Variants in PRKDC observed in about 807,000 individuals in gnomAD.
The protein encoded by PRKDC is protein kinase, DNA-activated, catalytic subunit.
PRKDC carries 82 observed loss-of-function variants against 486.9 expected under a neutral mutation model. The ratio of observed to expected loss-of-function variants is 0.17; its 90% CI spans 0.14 to 0.20. The LOEUF (loss-of-function observed/expected upper bound fraction) is 0.20, where lower values mean the gene tolerates loss of function less well. Among genes scored for constraint, PRKDC ranks in the 10% least tolerant of loss-of-function variants. The pLI is 1.00. For missense variants in PRKDC, 4,504 were observed against 5,038.2 expected (o/e 0.89, Z 3.21); for synonymous variants, 1,895 against 1,837.0 (o/e 1.03, Z -0.81).
chr8:47,949,068 C>G (rs1184739617), intron 7 of PRKDC, among the ~76,000 whole-genome samples: 2 of 152,190 alleles, frequency 1.3e-5, no homozygotes, highest in Non-Finnish European at 2.9e-5. Flanking sequence ...AGGGGAGAAC[C>G]CTTTTCTCAC....
intron 24 of PRKDC, 134 bp downstream of exon 24, chr8:47,913,767 T>G (rs1483020197): frequency 1.1e-6 from 1 of 871,008 alleles, no homozygotes; most frequent in East Asian, 3.1e-5. Context: ...TAAGTAGTTT[T>G]CTAATTACTA....
At position 47,953,794 on chromosome 8, in the gene PRKDC, A is replaced by C. The variant is rs777492908; in HGVS notation, c.621+13T>G. On this transcript the variant is annotated intron_variant, in intron 6 of 85. Transcript: ENST00000314191. Reference sequence around the variant, plus strand: ...ACATCTATGGAAGCAGAATGTCATAAAGTTCATCATACCTGGGTCTTAAGT... The same window carrying C: ...ACATCTATGGAAGCAGAATGTCATACAGTTCATCATACCTGGGTCTTAAGT... 6 of 1,573,018 alleles carry C rather than the reference A, an allele frequency of 3.8e-6. No homozygotes were observed. Among genetic ancestry groups the C allele is most frequent in the Non-Finnish European group, 5.2e-6 (6 of 1,156,988 alleles).
chr8:47,821,315 G>A (rs995324197), intron 65 of PRKDC, among the ~76,000 whole-genome samples: 3 of 152,108 alleles, frequency 2.0e-5, no homozygotes, highest in Admixed American at 1.3e-4. Flanking sequence ...CCAGTGATCC[G>A]GGGCGACTTC....
intron 52 of PRKDC, among the ~76,000 whole-genome samples, chr8:47,851,057 G>C (rs539231713): frequency 1.2e-4 from 19 of 152,314 alleles, no homozygotes; most frequent in African/African-American, 4.1e-4. Flanking sequence ...TGATCTGCCT[G>C]CCTTGGCCTC....
chr8:47,782,035 G>T lies in PRKDC; in HGVS notation c.11489+127C>A. 1.4e-6 allele frequency: 1 copy of T among 724,682 alleles called. No homozygotes were observed. Among genetic ancestry groups the T allele is most frequent in the Non-Finnish European group, 2.3e-6 (1 of 432,976 alleles). The allele number at this position is 724,682 out of a possible 1,614,324, so 44.9% of individuals were successfully genotyped here. Reference sequence around the variant, plus strand: ...CAGCCAGCACTCCATTTGGTTTATTGACCCAGCCAGCAGACTGCGGGGCAG... The same window carrying T: ...CAGCCAGCACTCCATTTGGTTTATTTACCCAGCCAGCAGACTGCGGGGCAG... On this transcript the variant is annotated intron_variant, in intron 80 of 85. Transcript: ENST00000314191. The surrounding 1 kb of genome is among the most constrained non-coding windows in gnomAD (Gnocchi z 4.9).
chr8:47,890,248 G>A lies in PRKDC; in HGVS notation c.4071+9C>T. 6.3e-7 allele frequency: 1 copy of A among 1,598,356 alleles called. No homozygotes were observed. The highest frequency in any genetic ancestry group is 8.5e-7 in the Non-Finnish European group (1 of 1,171,916). The stretch of plus-strand genomic sequence containing the variant: ...CAAAAACTGACCTCAAATTAACAGA[G>A]CAGCCTACCTTCCATCCTTCCGGGG... On this transcript the variant is annotated intron_variant, in intron 32 of 85. Transcript: ENST00000314191.
chr8:47,802,874 C>T (rs1333373599), intron 70 of PRKDC, among the ~76,000 whole-genome samples: 3 of 151,984 alleles, frequency 2.0e-5, no homozygotes. Flanking sequence ...AGGATGGTCT[C>T]GATCTCCTGA....
chr8:47,939,643 A>G lies in PRKDC; in HGVS notation c.1021T>C (p.Phe341Leu), dbSNP rs754922225. Reference sequence around the variant, plus strand: ...ATGATTCCATAAAACTGCTCCATAAAGTACTGCAGTTTATTTTTATGCATT... The same window carrying G: ...ATGATTCCATAAAACTGCTCCATAAGGTACTGCAGTTTATTTTTATGCATT... ...AEMHKNKLQY[F>L]MEQFYGIIRN... The change falls in exon 11 of 86, where the codon TTT (phenylalanine) becomes CTT (leucine). Residue 341 changes from phenylalanine to leucine, a missense_variant. By Grantham distance (22) the Phe-to-Leu change is conservative (BLOSUM62 0). Transcript: ENST00000314191. 17 of 1,611,930 alleles carry G rather than the reference A, an allele frequency of 1.1e-5. 1 individual carries two copies. Among genetic ancestry groups the G allele is most frequent in the Non-Finnish European group, 4.2e-6 (5 of 1,178,718 alleles).
At chr8:47,823,476 C>G (rs2087653286) in intron 64 of PRKDC, among the ~76,000 whole-genome samples, 1 of 151,860 alleles carries the variant, frequency 6.6e-6, no homozygotes, top group Non-Finnish European at 1.5e-5. Flanking sequence ...CACCATACTT[C>G]CTGTGCAGCC....
At chr8:47,779,590 TTTTTC>T (rs1483774228) in intron 80 of PRKDC, among the ~76,000 whole-genome samples, 1 of 152,186 alleles carries the variant, frequency 6.6e-6, no homozygotes, top group African/African-American at 2.4e-5. Flanking sequence ...CTTCCACATC[TTTTTC>T]TTTTGTTTTT....
chr8:47,782,321 C>T lies in PRKDC; in HGVS notation c.11396+57G>A. 1 of 1,610,926 alleles carries T rather than the reference C, an allele frequency of 6.2e-7. No individual in the cohort carries two copies. ...CTCTTTCTTCACTAGAAAAACAGTCCCGTGGACGCCAAGCAATATGCAGCA... is the reference window on the plus strand; with the variant it reads ...CTCTTTCTTCACTAGAAAAACAGTCTCGTGGACGCCAAGCAATATGCAGCA... On this transcript the variant is annotated intron_variant, in intron 79 of 85. Transcript: ENST00000314191. The surrounding 1 kb of genome is among the most constrained non-coding windows in gnomAD (Gnocchi z 4.9).
intron 64 of PRKDC, among the ~76,000 whole-genome samples, chr8:47,822,356 G>A (rs2087620228): frequency 6.6e-6 from 1 of 151,430 alleles, no homozygotes; most frequent in South Asian, 2.1e-4. Flanking sequence ...ACTTACCAAT[G>A]AAACCAATTA....
Position 47,782,859 on chromosome 8 carries a change from A to C in PRKDC, c.11176-261T>G, listed in dbSNP as rs1241991606. ...TAGCAAGCAGCAACAGCCAACATGCAAACTTTCTACAGTAGTAAGCTAATG... is the reference window on the plus strand; with the variant it reads ...TAGCAAGCAGCAACAGCCAACATGCCAACTTTCTACAGTAGTAAGCTAATG... On this transcript the variant is annotated intron_variant, in intron 78 of 85. Transcript: ENST00000314191. The surrounding 1 kb of genome is among the most constrained non-coding windows in gnomAD (Gnocchi z 4.9). 3 of 542,222 alleles carry C rather than the reference A, an allele frequency of 5.5e-6. No individual in the cohort carries two copies. The highest frequency in any genetic ancestry group is 9.9e-6 in the Non-Finnish European group (3 of 301,894). 33.6% of individuals were successfully genotyped at this position (542,222 alleles called of 1,614,324 possible).
At chr8:47,831,177 C>T (rs1379247681) in intron 60 of PRKDC, among the ~76,000 whole-genome samples, 1 of 152,134 alleles carries the variant, frequency 6.6e-6, no homozygotes, top group East Asian at 1.9e-4. Flanking sequence ...GGGCGCAGCC[C>T]GGGAGGCCTC....
chr8:47,794,579 T>C (rs555238984), intron 73 of PRKDC, 78 bp from the exon 74 acceptor site: 7 of 1,242,896 alleles, frequency 5.6e-6, no homozygotes, highest in Non-Finnish European at 7.7e-6. Context: ...ATGTCCAAAA[T>C]AAAGAAAACT....
At position 47,902,651 on chromosome 8, in the gene PRKDC, G is replaced by A. The variant is rs1158532382; in HGVS notation, c.3187C>T (p.Leu1063Phe). The change falls in exon 27 of 86, where the codon CTT (leucine) becomes TTT (phenylalanine). Residue 1063 changes from leucine (L) to phenylalanine (F), a missense_variant. By Grantham distance (22) the Leu-to-Phe change is conservative. Transcript: ENST00000314191. ...TTGGGGTGAAGCGCAAGGCTATAAAGTCGCTTGAAAAGCGATTTGGTGTTT... is the reference window on the plus strand; with the variant it reads ...TTGGGGTGAAGCGCAAGGCTATAAAATCGCTTGAAAAGCGATTTGGTGTTT... ...PVNTKSLFKR[L>F]YSLALHPNAF... The A allele has an allele frequency of 6.2e-7, 1 of 1,613,794 alleles. No individual in the cohort carries two copies. Among genetic ancestry groups the A allele is most frequent in the Non-Finnish European group, 8.5e-7 (1 of 1,179,748 alleles).
chr8:47,917,166 G>A (rs1241650223), intron 22 of PRKDC, among the ~76,000 whole-genome samples: 1 of 152,024 alleles, frequency 6.6e-6, no homozygotes. Context: ...GAGGCGGGAG[G>A]ATCACTTGAG....
chr8:47,844,727 C>T (rs1159271201), intron 54 of PRKDC, among the ~76,000 whole-genome samples: 2 of 152,000 alleles, frequency 1.3e-5, no homozygotes, highest in African/African-American at 4.8e-5. Flanking sequence ...GAAATCAATA[C>T]CAAGACCTCT....
chr8:47,944,540 A>G (rs1320822658), intron 7 of PRKDC, among the ~76,000 whole-genome samples: 1 of 152,156 alleles, frequency 6.6e-6, no homozygotes, highest in East Asian at 1.9e-4. Flanking sequence ...TATTATGACA[A>G]TTACAAATAC....
Sources: gnomAD v4.1 joint callset for allele counts (sites outside exome capture counted in the v4.1 genomes callset) on GRCh38, gnomAD v4.1.1 for gene constraint, Gnocchi (gnomAD v3.1) non-coding constraint, MANE v1.5 for transcripts, NCBI Gene and HGNC (gene_info 2026-07-23, HGNC 2026-07-21) for gene names.